SARNP: variants seen among roughly 807,000 people sequenced by gnomAD.
SARNP encodes SAP domain-containing ribonucleoprotein.
In SARNP, 5 loss-of-function variants were observed where a neutral mutation model predicts 38.1. The observed-to-expected ratio is 0.13, with a 90% CI of 0.07 to 0.28. The LOEUF is 0.28. SARNP is among the 10% of genes least tolerant of loss of function. The pLI is 1.00. For missense variants in SARNP, 180 were observed against 243.9 expected, an observed-to-expected ratio of 0.74 and a Z score of 1.75; for synonymous variants, 84 against 80.6, an observed-to-expected ratio of 1.04 and a Z score of -0.23.
At chr12:55,775,542 C>A (rs957514641) in intron 9 of SARNP, among the ~76,000 whole-genome samples, 434 of 103,982 alleles carry the variant, frequency 4.2e-3, no homozygotes, top group African/African-American at 5.3e-3. Flanking sequence ...AAAAAAAAAA[C>A]AAAAAACAAA....
chr12:55,798,573 A>C (rs1879886058), intron 4 of SARNP, among the ~76,000 whole-genome samples: 1 of 152,200 alleles, frequency 6.6e-6, no homozygotes, highest in African/African-American at 2.4e-5. Flanking sequence ...GATGCAGCAA[A>C]TCCACTGCTA....
intron 10 of SARNP, 115 bp downstream of exon 10, chr12:55,760,436 T>C: frequency 4.4e-6 from 3 of 674,526 alleles, no homozygotes; most frequent in Non-Finnish European, 7.7e-6. Flanking sequence ...CCAACTCGAC[T>C]TAAATAAGTA....
intron 8 of SARNP, among the ~76,000 whole-genome samples, chr12:55,790,249 A>G (rs1879626068): frequency 6.6e-6 from 1 of 152,072 alleles, no homozygotes. Context: ...GTAATTATGA[A>G]TTAGACATTA....
At chr12:55,814,847 C>T (rs1055447567) in intron 1 of SARNP, among the ~76,000 whole-genome samples, 4 of 149,004 alleles carry the variant, frequency 2.7e-5, no homozygotes, top group African/African-American at 7.5e-5. Flanking sequence ...CCAACCTGGG[C>T]GACAGAGCGA....
chr12:55,807,352 A>G (rs1005060080), intron 1 of SARNP, among the ~76,000 whole-genome samples: 4 of 152,158 alleles, frequency 2.6e-5, no homozygotes, highest in South Asian at 2.1e-4. Context: ...AAGTAACATT[A>G]TAAGTGATCT....
Position 55,817,248 on chromosome 12 carries a change from C to T in SARNP, c.36+418G>A, listed in dbSNP as rs3759102. ...AAATACACAAAAATGCCACCATTTG[C>T]TAACAGGGAAATCTCAGCTTCGGAC... is the stretch of plus-strand genomic sequence containing the variant. On this transcript the variant is annotated intron_variant, in intron 1 of 10. Transcript: ENST00000336133. Among the ~76,000 whole-genome samples, 100 of 152,162 alleles carry T rather than the reference C, an allele frequency of 6.6e-4. No homozygotes were observed. The East Asian group carries it at 0.018, about 27-fold the overall frequency.
At chr12:55,812,079 G>A (rs1243420535) in intron 1 of SARNP, among the ~76,000 whole-genome samples, 3 of 152,168 alleles carry the variant, frequency 2.0e-5, no homozygotes, top group Non-Finnish European at 2.9e-5. Context: ...GTAAAAGGCT[G>A]AATCCTATCA....
At chr12:55,775,517 G>A (rs1173240716) in intron 9 of SARNP, among the ~76,000 whole-genome samples, 6 of 140,578 alleles carry the variant, frequency 4.3e-5, no homozygotes, top group Non-Finnish European at 6.1e-5. Flanking sequence ...AGCTGGGATC[G>A]CGCTCTGTCT....
In SARNP at chr12:55,771,240, G is replaced by A. The variant is rs534533659; in HGVS notation, c.502-10600C>T. On this transcript the variant is annotated intron_variant, in intron 9 of 10. Transcript: ENST00000336133. ...CCCAAAGTGCTGGGATTGCAGGTGT[G>A]AGCCACTGTGCCCGGCCCACCTTCT... is the stretch of plus-strand genomic sequence containing the variant. Among the ~76,000 whole-genome samples the A allele has an allele frequency of 7.9e-5, 12 of 152,230 alleles. No homozygotes were observed. In the South Asian group the frequency reaches 2.5e-3, roughly 32 times the overall value.
chr12:55,786,205 C>A (rs1009126808), intron 9 of SARNP, among the ~76,000 whole-genome samples: 24 of 152,154 alleles, frequency 1.6e-4, no homozygotes, highest in African/African-American at 5.8e-4. Context: ...TGGACAAATT[C>A]TTTTCAGCAA....
At chr12:55,806,067 T>C (rs1432593856) in intron 1 of SARNP, among the ~76,000 whole-genome samples, 1 of 151,486 alleles carries the variant, frequency 6.6e-6, no homozygotes, top group African/African-American at 2.4e-5. Context: ...TTTAAGGCTT[T>C]TGCCAGTTTT....
intron 2 of SARNP, among the ~76,000 whole-genome samples, chr12:55,802,157 C>A (rs767725566): frequency 6.6e-6 from 1 of 151,970 alleles, no homozygotes; most frequent in Non-Finnish European, 1.5e-5. Flanking sequence ...ATACAAGAAC[C>A]CTTATGTACT....
At chr12:55,763,352 C>T (rs974912239) in intron 9 of SARNP, among the ~76,000 whole-genome samples, 6 of 151,578 alleles carry the variant, frequency 4.0e-5, no homozygotes, top group African/African-American at 1.5e-4. Context: ...CGCTCTGTCG[C>T]CCAGGCTGGA....
chr12:55,756,139 A>T (rs1878499130), downstream of SARNP: 1 of 152,258 alleles, frequency 6.6e-6, no homozygotes, highest in South Asian at 2.1e-4. Flanking sequence ...CCAAGATCAG[A>T]GCCTGAGGTA....
At chr12:55,789,820 T>C (rs367799873) in intron 8 of SARNP, among the ~76,000 whole-genome samples, 4 of 151,736 alleles carry the variant, frequency 2.6e-5, no homozygotes, top group East Asian at 1.9e-4. Context: ...GGCGGGCACC[T>C]GTAATCCCAG....
rs1460639221 is a variant in SARNP at position 55,804,027 on chromosome 12, A to AG, written c.37-300dup. On this transcript the variant is annotated intron_variant, in intron 1 of 10. Transcript: ENST00000336133. ...TCTCTAGTTATTTCTAAATATTCTG[A>AG]GGGGGGAAAAAGGTTTTTTTCTTAA... 2.0e-5 allele frequency among the ~76,000 whole-genome samples: 3 copies of AG among 152,142 alleles called. No individual in the cohort carries two copies. The South Asian group carries it at 6.2e-4, about 32-fold the overall frequency.
rs1353914879 is a variant in SARNP, at chr12:55,800,619, G to A, written c.194C>T (p.Thr65Ile). 5.0e-6 allele frequency: 8 copies of A among 1,610,788 alleles called. No individual in the cohort carries two copies. Among genetic ancestry groups the A allele is most frequent in the Non-Finnish European group, 6.8e-6 (8 of 1,178,648 alleles). The change falls in exon 4 of 11, where the codon ACA becomes ATA. Residue 65 changes from threonine to isoleucine, a missense_variant. Transcript: ENST00000336133. ...TTTGACAGGGAGCTCAATGGGCTTTGTTTCTTCTTCCTAAAACCAAATGAA... is the reference window on the plus strand; with the variant it reads ...TTTGACAGGGAGCTCAATGGGCTTTATTTCTTCTTCCTAAAACCAAATGAA... ...VLGDETEEEE[T>I]KPIELPVKEE...
At chr12:55,789,498 C>T (rs1485483969) in intron 8 of SARNP, among the ~76,000 whole-genome samples, 2 of 152,174 alleles carry the variant, frequency 1.3e-5, no homozygotes, top group African/African-American at 4.8e-5. Context: ...CTCATGTGGT[C>T]TCTGCAAGTA....
rs1273359894 is a variant in SARNP, at chr12:55,783,325, T to A, written c.501+5750A>T. 3.3e-5 allele frequency among the ~76,000 whole-genome samples: 5 copies of A among 150,634 alleles called. No homozygotes were observed. The East Asian group carries it at 9.9e-4, about 30-fold the overall frequency. On this transcript the variant is annotated intron_variant, in intron 9 of 10. Transcript: ENST00000336133. ...TTGTTTGAGGGGGGTGGGTGGGAGG[T>A]TTATTAGTCCATAGTCACCATGCGA...
Sources: gnomAD v4.1 joint callset for allele counts (sites outside exome capture counted in the v4.1 genomes callset) on GRCh38, gnomAD v4.1.1 for gene constraint, MANE v1.5 for transcripts, NCBI Gene and HGNC (gene_info 2026-07-23, HGNC 2026-07-21) for gene names.